LY96: variants seen among roughly 807,000 people sequenced by gnomAD.
LY96 encodes the protein lymphocyte antigen 96.
A neutral mutation model predicts 18.9 loss-of-function variants in LY96; 18 were observed. The ratio of observed to expected loss-of-function variants is 0.95; its 90% CI spans 0.66 to 1.41. LY96 has a LOEUF of 1.41. LY96 is among the 40% of genes most tolerant of loss of function. LY96 has a pLI of 0.00. For synonymous variants in LY96, 66 were observed against 62.6 expected (o/e 1.06, Z -0.26); for missense variants, 175 against 182.4 (o/e 0.96, Z 0.23).
chr8:74,049,069 G>A, the LY96 span, among the ~76,000 whole-genome samples: 153 of 152,246 alleles, frequency 1.0e-3, no homozygotes, highest in African/African-American at 3.5e-3. Context: ...GGAGCAGAAC[G>A]CCCAGCTTAG....
At chr8:74,096,252 T>G in the LY96 span, among the ~76,000 whole-genome samples, 1 of 152,122 alleles carries the variant, frequency 6.6e-6, no homozygotes, top group Admixed American at 6.5e-5. Flanking sequence ...TCCCCATTAC[T>G]CTCAAAGTAG....
At chr8:74,067,040 G>A in the LY96 span, among the ~76,000 whole-genome samples, 1 of 152,150 alleles carries the variant, frequency 6.6e-6, no homozygotes, top group Non-Finnish European at 1.5e-5. Context: ...TTGTGCATCC[G>A]GCTAGCCGTC....
chr8:74,019,462 C>G (rs899724458), intron 3 of LY96, among the ~76,000 whole-genome samples: 7 of 152,096 alleles, frequency 4.6e-5, no homozygotes, highest in Non-Finnish European at 8.8e-5. Context: ...CAGGACCAGA[C>G]AGATTCACAG....
chr8:73,999,556 G>C (rs1415045253), intron 1 of LY96, among the ~76,000 whole-genome samples: 1 of 152,140 alleles, frequency 6.6e-6, no homozygotes, highest in African/African-American at 2.4e-5. Context: ...CACTGCACCA[G>C]GCCTGAAAGC....
chr8:74,036,359 G>A, the LY96 span, among the ~76,000 whole-genome samples: 2 of 152,200 alleles, frequency 1.3e-5, no homozygotes, highest in Admixed American at 6.5e-5. Context: ...CACAAGATAG[G>A]TGTAGTTCTG....
chr8:74,068,708 TATTGGTCATTC>T, the LY96 span, among the ~76,000 whole-genome samples: 1 of 152,214 alleles, frequency 6.6e-6, no homozygotes, highest in Non-Finnish European at 1.5e-5. Flanking sequence ...TTCATATCCT[TATTGGTCATTC>T]ATATGCAATA....
chr8:74,000,275 A>C (rs189586562), intron 1 of LY96, among the ~76,000 whole-genome samples: 15 of 152,190 alleles, frequency 9.9e-5, no homozygotes, highest in South Asian at 2.1e-4. Flanking sequence ...CTTCTACCAG[A>C]TAGAGTAGAT....
chr8:74,065,269 G>C, the LY96 span, among the ~76,000 whole-genome samples: 1 of 152,130 alleles, frequency 6.6e-6, no homozygotes, highest in Non-Finnish European at 1.5e-5. Context: ...CCTGATTACT[G>C]CAGGCAGACA....
downstream of LY96, among the ~76,000 whole-genome samples, chr8:74,029,992 T>C (rs1217591312): frequency 6.6e-6 from 1 of 152,174 alleles, no homozygotes; most frequent in Non-Finnish European, 1.5e-5. Context: ...TGGGTATTTC[T>C]TCATAGTAGC....
chr8:74,013,504 T>G (rs894954813), intron 3 of LY96, among the ~76,000 whole-genome samples: 9 of 152,062 alleles, frequency 5.9e-5, no homozygotes, highest in Non-Finnish European at 2.9e-5. Context: ...CCCAGGCTGG[T>G]GTTGAACTCC....
chr8:74,016,688 G>A (rs962137792), intron 3 of LY96, among the ~76,000 whole-genome samples: 1 of 152,198 alleles, frequency 6.6e-6, no homozygotes, highest in African/African-American at 2.4e-5. Flanking sequence ...AGCAATATTT[G>A]CTGATCTGCA....
At chr8:73,996,720 C>T (rs914482087) in intron 1 of LY96, among the ~76,000 whole-genome samples, 9 of 150,684 alleles carry the variant, frequency 6.0e-5, no homozygotes, top group African/African-American at 1.5e-4. Context: ...CGCCTGGTCC[C>T]GGCTAATTTT....
chr8:74,041,259 T>C, the LY96 span, among the ~76,000 whole-genome samples: 1 of 152,374 alleles, frequency 6.6e-6, no homozygotes, highest in African/African-American at 2.4e-5. Flanking sequence ...TATGCCTGTC[T>C]TTAATCTCTT....
the LY96 span, among the ~76,000 whole-genome samples, chr8:74,053,366 T>A: frequency 6.6e-6 from 1 of 152,218 alleles, no homozygotes; most frequent in Non-Finnish European, 1.5e-5. Flanking sequence ...TAGTGACCTG[T>A]CTAAAATAAA....
chr8:74,072,778 T>C, the LY96 span, among the ~76,000 whole-genome samples: 5 of 152,002 alleles, frequency 3.3e-5, no homozygotes, highest in African/African-American at 9.7e-5. Flanking sequence ...CATAGGGAGG[T>C]CCTGGAAAAA....
At chr8:74,059,098 C>G in the LY96 span, among the ~76,000 whole-genome samples, 1 of 152,196 alleles carries the variant, frequency 6.6e-6, no homozygotes, top group Non-Finnish European at 1.5e-5. Context: ...ACTCAGTCCA[C>G]CAATTCGAGT....
At chr8:74,077,620 C>G in the LY96 span, among the ~76,000 whole-genome samples, 1 of 151,492 alleles carries the variant, frequency 6.6e-6, no homozygotes, top group Non-Finnish European at 1.5e-5. Context: ...CTTTAGTATT[C>G]TATTTATGTG....
the LY96 span, among the ~76,000 whole-genome samples, chr8:74,090,949 T>C: frequency 6.6e-6 from 1 of 152,232 alleles, no homozygotes; most frequent in Non-Finnish European, 1.5e-5. Flanking sequence ...CAATGCCTGA[T>C]GACATTTTAC....
the LY96 span, among the ~76,000 whole-genome samples, chr8:74,058,294 T>C: frequency 6.6e-6 from 1 of 152,228 alleles, no homozygotes; most frequent in East Asian, 1.9e-4. Flanking sequence ...GTTTTAATTA[T>C]ATTAAGCTGA....
Sources: gnomAD v4.1 joint callset for allele counts (sites outside exome capture counted in the v4.1 genomes callset) on GRCh38, gnomAD v4.1.1 for gene constraint, MANE v1.5 for transcripts, NCBI Gene and HGNC (gene_info 2026-07-23, HGNC 2026-07-21) for gene names.